Variants in FHIT observed in about 807,000 individuals in gnomAD.
FHIT encodes bis(5'-adenosyl)-triphosphatase.
In FHIT, 19 loss-of-function variants were observed where a neutral mutation model predicts 17.9. That is an observed-to-expected ratio of 1.06 (90% confidence interval 0.74 to 1.56). FHIT has a LOEUF of 1.56. Among genes scored for constraint, FHIT ranks in the 40% most tolerant of loss-of-function variants. The pLI is 0.00. For missense variants in FHIT, 248 were observed against 189.2 expected, an observed-to-expected ratio of 1.31 and a Z score of -1.82; for synonymous variants, 81 against 69.7, an observed-to-expected ratio of 1.16 and a Z score of -0.81.
intron 5 of FHIT, among the ~76,000 whole-genome samples, chr3:60,225,243 T>G (rs1704143057): frequency 6.6e-6 from 1 of 152,308 alleles, no homozygotes; most frequent in Non-Finnish European, 1.5e-5. Flanking sequence ...AGATACCTGA[T>G]TAGATACTTT....
chr3:61,046,557 G>T (rs528630496), intron 2 of FHIT, among the ~76,000 whole-genome samples: 2 of 152,284 alleles, frequency 1.3e-5, no homozygotes, highest in Admixed American at 6.5e-5. Flanking sequence ...AATTCTACCA[G>T]AGGTACAAAG....
intron 5 of FHIT, among the ~76,000 whole-genome samples, chr3:60,214,295 C>T (rs17062497): frequency 0.038 from 5,760 of 152,126 alleles, 398 homozygotes; most frequent in African/African-American, 0.13. Flanking sequence ...CCTAAACTTG[C>T]TGTCATTTAA....
chr3:61,054,323 C>G (rs1037171315), intron 2 of FHIT, among the ~76,000 whole-genome samples: 1 of 151,810 alleles, frequency 6.6e-6, no homozygotes, highest in Non-Finnish European at 1.5e-5. Context: ...GTGATGTCAA[C>G]TCAATATAAT....
chr3:61,248,890 G>A (rs75905413), intron 1 of FHIT, among the ~76,000 whole-genome samples: 1,529 of 152,208 alleles, frequency 0.01, 25 homozygotes, highest in African/African-American at 0.035. Context: ...AGACTACTTC[G>A]TAACACACTC....
At chr3:60,817,036 A>G (rs2736740) in intron 4 of FHIT, among the ~76,000 whole-genome samples, 85,886 of 151,562 alleles carry the variant, frequency 0.57, 25,033 homozygotes, top group East Asian at 0.88. Flanking sequence ...TTGGATTTTC[A>G]GTGGTTTTTC....
chr3:60,098,226 T>C (rs1431943544), intron 5 of FHIT, among the ~76,000 whole-genome samples: 1 of 140,670 alleles, frequency 7.1e-6, no homozygotes, highest in Non-Finnish European at 1.5e-5. Flanking sequence ...TTTGGGTATA[T>C]ACCCAGTAAT....
chr3:60,850,980 C>A (rs1255629998), intron 3 of FHIT, among the ~76,000 whole-genome samples: 1 of 152,002 alleles, frequency 6.6e-6, no homozygotes, highest in African/African-American at 2.4e-5. Context: ...TTCAAAGAAA[C>A]CTTTTACACT....
intron 4 of FHIT, among the ~76,000 whole-genome samples, chr3:60,810,692 A>G (rs1370138506): frequency 2.6e-5 from 4 of 152,158 alleles, no homozygotes; most frequent in African/African-American, 9.7e-5. Flanking sequence ...GTCTTGATGA[A>G]GAAATTGCTT....
intron 3 of FHIT, among the ~76,000 whole-genome samples, chr3:60,859,602 G>T: frequency 6.6e-6 from 1 of 151,844 alleles, no homozygotes; most frequent in East Asian, 1.9e-4. Context: ...CCCTTCTCAG[G>T]CACCCTGAAG....
intron 5 of FHIT, among the ~76,000 whole-genome samples, chr3:60,436,929 T>C (rs1012898524): frequency 2.0e-5 from 3 of 152,094 alleles, no homozygotes; most frequent in African/African-American, 7.2e-5. Context: ...TCACAAAATG[T>C]TTTGCTGTGA....
Position 60,293,478 on chromosome 3 carries a change from C to G in FHIT, c.103+243382G>C, listed in dbSNP as rs138375193. Among the ~76,000 whole-genome samples, 16 of 152,248 alleles carry G rather than the reference C, an allele frequency of 1.1e-4. No individual in the cohort carries two copies. The East Asian group carries it at 3.1e-3, about 29-fold the overall frequency. On this transcript the variant is annotated intron_variant, in intron 5 of 9. Transcript: ENST00000492590. ...GGAGATTAAGCGTATACTTTATCGA[C>G]CTTCTCTGCCAGCAAACAACGTTTT...
chr3:59,808,540 A>G (rs1046708311), intron 8 of FHIT, among the ~76,000 whole-genome samples: 1 of 151,932 alleles, frequency 6.6e-6, no homozygotes, highest in Non-Finnish European at 1.5e-5. Context: ...CCCTCTTTTC[A>G]TTCTCCTCCC....
intron 5 of FHIT, among the ~76,000 whole-genome samples, chr3:60,470,050 C>CCTCTG (rs1559940643): frequency 8.2e-6 from 1 of 122,214 alleles, no homozygotes; most frequent in Non-Finnish European, 1.6e-5. Context: ...CCTCTCCTCT[C>CCTCTG]TCTTTCTTTC....
intron 5 of FHIT, among the ~76,000 whole-genome samples, chr3:60,079,598 G>C (rs1703187539): frequency 2.0e-5 from 3 of 151,748 alleles, no homozygotes; most frequent in Non-Finnish European, 2.9e-5. Context: ...ACCCACTCCT[G>C]AGAACCCTAC....
At chr3:59,784,476 T>C (rs1702747499) in intron 8 of FHIT, among the ~76,000 whole-genome samples, 2 of 152,220 alleles carry the variant, frequency 1.3e-5, no homozygotes, top group South Asian at 4.1e-4. Context: ...ATACATTGCC[T>C]TTGTTATTTC....
chr3:60,274,891 A>G (rs1323793338), intron 5 of FHIT, among the ~76,000 whole-genome samples: 3 of 152,200 alleles, frequency 2.0e-5, no homozygotes, highest in Non-Finnish European at 2.9e-5. Flanking sequence ...AGGAAGTTCT[A>G]TAACTTTGCT....
chr3:60,929,443 G>C (rs1363878172), intron 3 of FHIT, among the ~76,000 whole-genome samples: 1 of 152,172 alleles, frequency 6.6e-6, no homozygotes, highest in African/African-American at 2.4e-5. Context: ...CAGATGACAT[G>C]ATTGTGTATC....
At chr3:60,819,857 C>A (rs906923973) in intron 4 of FHIT, among the ~76,000 whole-genome samples, 1 of 152,184 alleles carries the variant, frequency 6.6e-6, no homozygotes, top group Non-Finnish European at 1.5e-5. Context: ...CAGGCACATA[C>A]TCTTTACTAT....
At chr3:60,358,269 C>A (rs1699757022) in intron 5 of FHIT, among the ~76,000 whole-genome samples, 1 of 152,168 alleles carries the variant, frequency 6.6e-6, no homozygotes, top group African/African-American at 2.4e-5. Context: ...AGAGAACAAT[C>A]CTTTCCAGCC....
Sources: allele counts gnomAD v4.1 joint callset (sites outside exome capture counted in the v4.1 genomes callset), GRCh38; gene constraint gnomAD v4.1.1; transcripts MANE v1.5; gene names NCBI Gene and HGNC (gene_info 2026-07-23, HGNC 2026-07-21).